Variants in PCNT observed in about 807,000 individuals in gnomAD.
The protein encoded by PCNT is kendrin.
Under a neutral mutation model 380.4 loss-of-function variants are expected in PCNT, and 319 were observed. The observed-to-expected ratio is 0.84, with a 90% CI of 0.77 to 0.92. The LOEUF (loss-of-function observed/expected upper bound fraction) is 0.92. PCNT is among the 40% of genes least tolerant of loss of function. PCNT has a pLI of 0.00. For missense variants in PCNT, 4,400 were observed against 4,255.3 expected, an observed-to-expected ratio of 1.03 and a Z score of -0.95; for synonymous variants, 1,845 against 1,735.2, an observed-to-expected ratio of 1.06 and a Z score of -1.57.
At chr21:46,378,157 C>G in intron 15 of PCNT, among the ~76,000 whole-genome samples, 1 of 151,936 alleles carries the variant, frequency 6.6e-6, no homozygotes, top group African/African-American at 2.4e-5. Flanking sequence ...GGTGGTCGCC[C>G]CTTACCCACA....
intron 21 of PCNT, among the ~76,000 whole-genome samples, chr21:46,391,742 C>A (rs2086041690): frequency 6.6e-6 from 1 of 152,198 alleles, no homozygotes; most frequent in African/African-American, 2.4e-5. Flanking sequence ...TGATATTAAC[C>A]CTCATTAGGA....
At position 46,431,602 on chromosome 21, in the gene PCNT, C is replaced by T. The variant is rs780326768; in HGVS notation, c.8138C>T (p.Thr2713Met). ...RLCVALKHEQ[T>M]AKDNLQKELR... ...TGCGTGGCACTGAAACACGAGCAGA[C>T]GGCCAAGGACAACCTGCAGAAGGAG... The change falls in exon 38 of 47, where the codon ACG becomes ATG. Residue 2713 changes from threonine (T) to methionine (M), a missense_variant. Physicochemically the swap from Thr to Met is moderately conservative, Grantham distance 81. Coordinates refer to ENST00000359568, the MANE Select transcript of PCNT (RefSeq NM_006031.6). 1.9e-5 allele frequency: 30 copies of T among 1,613,948 alleles called. No homozygotes were observed. In the Middle Eastern group the frequency reaches 4.9e-4, roughly 27 times the overall value.
At chr21:46,396,168 A>G (rs1360939791) in intron 21 of PCNT, among the ~76,000 whole-genome samples, 1 of 152,260 alleles carries the variant, frequency 6.6e-6, no homozygotes, top group East Asian at 1.9e-4. Flanking sequence ...TTTCATCTGC[A>G]GTTTCCACTT....
chr21:46,342,932 G>GT, intron 3 of PCNT, among the ~76,000 whole-genome samples: 1 of 152,126 alleles, frequency 6.6e-6, no homozygotes, highest in Non-Finnish European at 1.5e-5. Flanking sequence ...TGCAGCCATC[G>GT]TAAAAGGTGT....
intron 30 of PCNT, 31 bp downstream of exon 30, chr21:46,416,870 G>T (rs1005648181): frequency 6.3e-7 from 1 of 1,595,208 alleles, no homozygotes; most frequent in Non-Finnish European, 8.5e-7. Flanking sequence ...CAGGCCTGCT[G>T]TTCCCGTGGG....
At position 46,427,759 on chromosome 21, in the gene PCNT, C is replaced by T. The variant is rs778147097; in HGVS notation, c.7458C>T (p.Ser2486=). 1.9e-6 allele frequency: 3 copies of T among 1,613,618 alleles called. No individual in the cohort carries two copies. The South Asian group carries it at 3.3e-5, about 18-fold the overall frequency. The stretch of plus-strand genomic sequence containing the variant: ...GCTCAGATCTGGGGGGTCACAGCTC[C>T]CTGCTCGAAAGGCTGGAGAAGATCA... ...LSGSDLGGHS[S]LLERLEKIIR... is the part of the protein sequence containing the mutation. The change falls in exon 34 of 47, where the codon TCC becomes TCT. Residue 2486 remains serine (S), a synonymous_variant. Coordinates refer to ENST00000359568, the MANE Select transcript of PCNT (RefSeq NM_006031.6).
At chr21:46,327,372 T>G (rs2083427346) in intron 2 of PCNT, among the ~76,000 whole-genome samples, 1 of 150,528 alleles carries the variant, frequency 6.6e-6, no homozygotes, top group Non-Finnish European at 1.5e-5. Context: ...GGTTTTATTC[T>G]TAATAAATTT....
At chr21:46,400,906 G>A (rs1055486088) in intron 25 of PCNT, among the ~76,000 whole-genome samples, 1 of 152,130 alleles carries the variant, frequency 6.6e-6, no homozygotes, top group Non-Finnish European at 1.5e-5. Flanking sequence ...TTCCGCTGTC[G>A]CAGGGAGGAC....
chr21:46,384,212 G>C (rs140542041), intron 16 of PCNT, among the ~76,000 whole-genome samples: 1 of 140,730 alleles, frequency 7.1e-6, no homozygotes, highest in African/African-American at 2.8e-5. Context: ...TGGCAGAAGC[G>C]CATTCACGGT....
intron 1 of PCNT, among the ~76,000 whole-genome samples, chr21:46,324,628 C>T (rs2083300588): frequency 6.6e-6 from 1 of 151,104 alleles, no homozygotes; most frequent in Non-Finnish European, 1.5e-5. Flanking sequence ...CAGGGCGGGG[C>T]TACAGGGGCG....
intron 15 of PCNT, among the ~76,000 whole-genome samples, chr21:46,376,675 C>A (rs964893835): frequency 2.1e-4 from 32 of 152,324 alleles, no homozygotes; most frequent in Middle Eastern, 3.4e-3. Flanking sequence ...AACCAGCATC[C>A]CTGTTTGGAC....
rs1183283302 is a variant in PCNT at position 46,383,968 on chromosome 21, G to A, written c.3313-1864G>A. Among the ~76,000 whole-genome samples the A allele has an allele frequency of 2.9e-4, 42 of 144,248 alleles. 2 individuals are homozygous for A. Among genetic ancestry groups the A allele is most frequent in the Admixed American group, 7.0e-4 (10 of 14,314 alleles). The allele number at this position is 144,248 out of a possible 152,430, so 94.6% of individuals were successfully genotyped here. A position where few individuals can be genotyped will look rare whatever the true frequency, so the allele number is the denominator to read the frequency against. On this transcript the variant is annotated intron_variant, in intron 16 of 46. Coordinates refer to ENST00000359568, the MANE Select transcript of PCNT (RefSeq NM_006031.6). ...TTCACAGTGTTGTATATTCAGTGGC[G>A]GAAGCGCATTCACCATGTTGTATAT... is the stretch of plus-strand genomic sequence containing the variant.
At chr21:46,421,342 C>T (rs773926675) in intron 31 of PCNT, among the ~76,000 whole-genome samples, 1 of 152,336 alleles carries the variant, frequency 6.6e-6, no homozygotes, top group Non-Finnish European at 1.5e-5. Context: ...CAGGGCGCCT[C>T]CTCCTCGTCT....
intron 32 of PCNT, among the ~76,000 whole-genome samples, chr21:46,424,166 C>A (rs1186715502): frequency 1.3e-5 from 2 of 152,176 alleles, no homozygotes; most frequent in African/African-American, 2.4e-5. Context: ...CTCTAATAGC[C>A]CCTGTGGTCC....
At chr21:46,385,725 C>T (rs751584607) in intron 16 of PCNT, 107 bp from the exon 17 acceptor site, 6 of 1,262,600 alleles carry the variant, frequency 4.8e-6, no homozygotes, top group Non-Finnish European at 7.0e-6. Flanking sequence ...GCTGAAAAGT[C>T]CTAAGTCAGA....
chr21:46,415,966 C>G, intron 29 of PCNT, 103 bp from the exon 30 acceptor site: 1 of 1,075,716 alleles, frequency 9.3e-7, no homozygotes, highest in Middle Eastern at 2.5e-4. Context: ...TGGAATCACC[C>G]GAGTGCTCCG....
intron 15 of PCNT, among the ~76,000 whole-genome samples, chr21:46,371,022 G>A (rs1268288916): frequency 4.6e-5 from 7 of 152,008 alleles, no homozygotes; most frequent in African/African-American, 1.7e-4. Context: ...GCGACAGAGC[G>A]AGACTCCGTC....
At chr21:46,348,918 G>C (rs1601801056) in intron 6 of PCNT, 94 bp from the exon 7 acceptor site, 3 of 859,692 alleles carry the variant, frequency 3.5e-6, no homozygotes, top group East Asian at 5.0e-5. Flanking sequence ...GAGCCACGTT[G>C]CCTGGCCTGC....
At position 46,440,874 on chromosome 21, in the gene PCNT, A is replaced by G. The variant is rs1398669542; in HGVS notation, c.9413A>G (p.His3138Arg). The change falls in exon 43 of 47, where the codon CAT becomes CGT. Residue 3138 changes from histidine to arginine, a missense_variant. Physicochemically the swap from His to Arg is conservative, Grantham distance 29. Transcript: ENST00000359568. ...TTTTAGATGGAAAAATTGTACCTGC[A>G]TTACTTGAGAGCAGAGAGCTTTAGA... ...SNVKMEKLYL[H>R]YLRAESFRKA... 5 of 1,609,386 alleles carry G rather than the reference A, an allele frequency of 3.1e-6. No homozygotes were observed. Among genetic ancestry groups the G allele is most frequent in the African/African-American group, 1.3e-5 (1 of 74,834 alleles).
Sources: gnomAD v4.1 joint callset for allele counts (sites outside exome capture counted in the v4.1 genomes callset) on GRCh38, gnomAD v4.1.1 for gene constraint, MANE v1.5 for transcripts, NCBI Gene and HGNC (gene_info 2026-07-23, HGNC 2026-07-21) for gene names.